The following U2AF1L4 variants were observed in gnomAD, a reference collection of about 807,000 sequenced individuals.
U2AF1L4 encodes U2 small nuclear RNA auxiliary factor 1 like 4, also known as splicing factor U2AF 26 kDa subunit.
In U2AF1L4, 21 loss-of-function variants were observed where a neutral mutation model predicts 21.7. The observed-to-expected ratio is 0.97, with a 90% CI of 0.69 to 1.39. U2AF1L4 has a LOEUF of 1.39. Among genes scored for constraint, U2AF1L4 ranks in the 40% most tolerant of loss-of-function variants. The pLI, the probability that U2AF1L4 is intolerant of heterozygous loss-of-function variation, is 0.00. For synonymous variants in U2AF1L4, 92 were observed against 89.7 expected, an observed-to-expected ratio of 1.03 and a Z score of -0.15; for missense variants, 259 against 245.7, an observed-to-expected ratio of 1.05 and a Z score of -0.36.
At chr19:35,744,780 C>G in intron 2 of U2AF1L4, 3 of 1,425,582 alleles carry the variant, frequency 2.1e-6, no homozygotes, top group Non-Finnish European at 2.9e-6. Flanking sequence ...GGGGGTGGAA[C>G]CTTACACCCC....
In U2AF1L4 at chr19:35,744,356, A is replaced by G. The variant is rs1328576976; in HGVS notation, c.198T>C (p.Leu66=). 6.2e-7 allele frequency: 1 copy of G among 1,613,974 alleles called. No individual in the cohort carries two copies. The highest frequency in any genetic ancestry group is 1.7e-5 in the Admixed American group (1 of 60,000). The change falls in exon 3 of 6, where the codon CTT becomes CTC. Residue 66 remains leucine, a synonymous_variant. Transcript: ENST00000378975. ...AGACGTTGCCCACGAGGTGGTCCCC[A>G]AGGTTGTCGCACACATTCATCTCTT... is the stretch of plus-strand genomic sequence containing the variant. ...EIEEMNVCDN[L]GDHLVGNVYV... is the part of the protein sequence containing the mutation.
At chr19:35,744,694 T>C in intron 2 of U2AF1L4, 1 of 1,536,108 alleles carries the variant, frequency 6.5e-7, no homozygotes, top group Non-Finnish European at 8.7e-7. Flanking sequence ...CACTATGGTC[T>C]GCACAGAATT....
At position 35,744,035 on chromosome 19, in the gene U2AF1L4, T is replaced by C; in HGVS notation, c.342A>G (p.Ser114=). 2 of 1,614,068 alleles carry C rather than the reference T, an allele frequency of 1.2e-6. No homozygotes were observed. The highest frequency in any genetic ancestry group is 2.2e-5 in the South Asian group (2 of 91,082). ...ELSPVTDFRE[S]CCRQYEMGEC... ...ACCCCATCTCATACTGGCGACAGCA[T>C]GACTCCCGGAAGTCAGTGACAGGAG... Residue 114 remains serine, a synonymous_variant, in exon 4 of 6, where the codon TCA becomes TCG. Transcript: ENST00000378975.
chr19:35,743,546 G>C (rs1970385083), intron 5 of U2AF1L4: 2 of 487,608 alleles, frequency 4.1e-6, no homozygotes, highest in Non-Finnish European at 7.4e-6. Flanking sequence ...AAATTAGCCG[G>C]GCATGGTGGC....
intron 2 of U2AF1L4, 120 bp from the exon 3 acceptor site, chr19:35,744,541 C>A: frequency 7.0e-7 from 1 of 1,434,272 alleles, no homozygotes; most frequent in African/African-American, 1.4e-5. Flanking sequence ...CTCACATGAC[C>A]TGGGGTGGGG....
At position 35,745,065 on chromosome 19, in the gene U2AF1L4, G is replaced by A. The variant is rs1383145247; in HGVS notation, c.132+60C>T. ...GAATAGGCGGGACATGGTGACGACG[G>A]CCCCAGAAGGGGAAGGGCCAGGGAG... On this transcript the variant is annotated intron_variant, in intron 2 of 5. Coordinates refer to ENST00000378975, the MANE Select transcript of U2AF1L4 (RefSeq NM_001040425.3). The A allele has an allele frequency of 1.2e-5, 19 of 1,521,990 alleles. No homozygotes were observed. In the South Asian group the frequency reaches 1.4e-4, roughly 11 times the overall value. The allele number at this position is 1,521,990 out of a possible 1,614,324, so 94.3% of individuals were successfully genotyped here. A position where few individuals can be genotyped will look rare whatever the true frequency, so the allele number is the denominator to read the frequency against.
chr19:35,744,248 T>G, intron 3 of U2AF1L4, 75 bp downstream of exon 3: 2 of 1,607,520 alleles, frequency 1.2e-6, no homozygotes, highest in Non-Finnish European at 1.7e-6. Flanking sequence ...AAATTCAAGC[T>G]GAGAGCCTAC....
At chr19:35,745,043 T>C in intron 2 of U2AF1L4, 82 bp downstream of exon 2, 1 of 1,393,370 alleles carries the variant, frequency 7.2e-7, no homozygotes, top group South Asian at 1.2e-5. Context: ...GAACCCGGAA[T>C]AGGCGGGACA....
rs1970528273 is a variant in U2AF1L4, at chr19:35,745,350, G to C, written c.42C>G (p.Asp14Glu). ...YLASIFGTEK[D>E]KVNCSFYFKI... ...CCACTCCCAGCGCCCGTTCTCACTT[G>C]TCCTTCTCAGTCCCGAATATCGAAG... Residue 14 changes from aspartate to glutamate, a missense_variant and splice_region_variant, in exon 1 of 6, where the codon GAC (aspartate) becomes GAG (glutamate). By Grantham distance (45) the Asp-to-Glu change is conservative. Coordinates refer to ENST00000378975, the MANE Select transcript of U2AF1L4 (RefSeq NM_001040425.3). 1 of 1,604,588 alleles carries C rather than the reference G, an allele frequency of 6.2e-7. No individual in the cohort carries two copies. The highest frequency in any genetic ancestry group is 1.3e-5 in the African/African-American group (1 of 74,392).
chr19:35,744,475 C>A (rs577356872), intron 2 of U2AF1L4, 54 bp from the exon 3 acceptor site: 2 of 1,613,676 alleles, frequency 1.2e-6, no homozygotes, highest in South Asian at 2.2e-5. Context: ...CCCCATCTGC[C>A]CCTACCAACC....
chr19:35,744,152 G>A lies in U2AF1L4; in HGVS notation c.232-7C>T, dbSNP rs765412841. 6 of 1,613,344 alleles carry A rather than the reference G, an allele frequency of 3.7e-6. No individual in the cohort carries two copies. In the South Asian group the frequency reaches 5.5e-5, roughly 15 times the overall value. ...CATCCTCCTCCCTCCGGAACTGCAG[G>A]AAATGTCAGTCAGGGTCAGCAGGAG... On this transcript the variant is annotated splice_polypyrimidine_tract_variant and splice_region_variant and intron_variant, in intron 3 of 5. Transcript: ENST00000378975.
At chr19:35,742,858 TC>T in intron 5 of U2AF1L4, 55 bp from the exon 6 acceptor site, 12 of 1,507,244 alleles carry the variant, frequency 8.0e-6, no homozygotes, top group Non-Finnish European at 1.0e-5. Flanking sequence ...GGTGCAGAGA[TC>T]CTGCAGGCCT....
intron 2 of U2AF1L4, 101 bp downstream of exon 2, chr19:35,745,024 G>A (rs1162860561): frequency 8.5e-7 from 1 of 1,174,804 alleles, no homozygotes; most frequent in Non-Finnish European, 1.2e-6. Flanking sequence ...GCGGTGGGGA[G>A]GGACTCAGGA....
chr19:35,744,781 C>G, intron 2 of U2AF1L4: 5 of 1,425,176 alleles, frequency 3.5e-6, no homozygotes, highest in Non-Finnish European at 4.8e-6. Context: ...GGGGTGGAAC[C>G]TTACACCCCA....
Position 35,745,136 on chromosome 19 carries a change from T to C in U2AF1L4, c.121A>G (p.Thr41Ala), listed in dbSNP as rs749634763. The change falls in exon 2 of 6, where the codon ACA becomes GCA. Residue 41 changes from threonine (T) to alanine (A), a missense_variant. By Grantham distance (58) the Thr-to-Ala change is moderately conservative. Transcript: ENST00000378975. ...GTGCCGGGTCTCACCTGGCTGAATG[T>C]CGGCTTGTTGTGAAGCCGGGAGCAC... ...DRCSRLHNKP[T>A]FSQEVFTELQ... 7 of 1,613,288 alleles carry C rather than the reference T, an allele frequency of 4.3e-6. No individual in the cohort carries two copies. In the Admixed American group the frequency reaches 5.0e-5, roughly 12 times the overall value.
intron 5 of U2AF1L4, chr19:35,743,402 AACAGT>A (rs1970373180): frequency 5.0e-6 from 1 of 200,096 alleles, no homozygotes; most frequent in Non-Finnish European, 9.8e-6. Context: ...AAAAAAAAAA[AACAGT>A]CAGCCGGGAG....
At chr19:35,742,514 C>T (rs2146501807), downstream of U2AF1L4, 1 of 1,598,186 alleles carries the variant, frequency 6.3e-7, no homozygotes, top group South Asian at 1.1e-5. Context: ...TGCCAAACCA[C>T]AGCAAAAGCA....
intron 2 of U2AF1L4, chr19:35,744,741 G>C: frequency 6.5e-7 from 1 of 1,534,612 alleles, no homozygotes; most frequent in Non-Finnish European, 8.7e-7. Context: ...GGGCAGGGCT[G>C]CATGAACAGA....
chr19:35,742,921 A>C, intron 5 of U2AF1L4, 118 bp from the exon 6 acceptor site: 1 of 957,096 alleles, frequency 1.0e-6, no homozygotes, highest in Non-Finnish European at 1.6e-6. Context: ...CTAGAGTTCT[A>C]AGACACGACC....
Sources: gnomAD v4.1 joint callset for allele counts on GRCh38, gnomAD v4.1.1 for gene constraint, MANE v1.5 for transcripts, NCBI Gene and HGNC (gene_info 2026-07-23, HGNC 2026-07-21) for gene names.